Variants in ERC2 observed in about 807,000 individuals in gnomAD.
ERC2 encodes ERC protein 2.
A neutral mutation model predicts 114.8 loss-of-function variants in ERC2; 42 were observed. That is an observed-to-expected ratio of 0.37 (90% CI 0.29 to 0.47). The LOEUF is 0.47. Ranked by LOEUF, ERC2 falls within the 20% of genes least tolerant of loss-of-function variation. The probability of loss-of-function intolerance (pLI) is 0.99; values close to 1 mark genes in which losing one functional copy is unlikely to be tolerated. For synonymous variants in ERC2, 454 were observed against 425.5 expected (o/e 1.07, Z -0.82); for missense variants, 939 against 1,150.7 (o/e 0.82, Z 2.66).
intron 14 of ERC2, among the ~76,000 whole-genome samples, chr3:55,736,650 C>A (rs2065653500): frequency 1.3e-5 from 2 of 152,094 alleles, no homozygotes; most frequent in South Asian, 4.1e-4. Flanking sequence ...AGCGAGTGCT[C>A]AAAAATGTTA....
At chr3:55,761,093 A>G (rs116301341) in intron 14 of ERC2, among the ~76,000 whole-genome samples, 1 of 152,294 alleles carries the variant, frequency 6.6e-6, no homozygotes, top group Non-Finnish European at 1.5e-5. Context: ...ATCAAATAAT[A>G]CAATGCATTG....
chr3:55,584,381 T>A (rs924790251), intron 17 of ERC2, among the ~76,000 whole-genome samples: 1 of 152,176 alleles, frequency 6.6e-6, no homozygotes, highest in African/African-American at 2.4e-5. Flanking sequence ...TTTACATCAA[T>A]GTTCATTCAA....
chr3:56,142,708 A>G (rs983145768), intron 5 of ERC2, among the ~76,000 whole-genome samples: 2 of 152,114 alleles, frequency 1.3e-5, no homozygotes, highest in African/African-American at 4.8e-5. Flanking sequence ...TCTTTTTCTT[A>G]TAATTCCAAC....
chr3:55,947,974 G>T (rs58120479), intron 13 of ERC2, among the ~76,000 whole-genome samples: 43,453 of 152,124 alleles, frequency 0.29, 7,403 homozygotes, highest in Non-Finnish European at 0.35. Context: ...GTAAACTTAT[G>T]AAATAAAGAA....
At chr3:56,288,556 C>T (rs2054874937) in intron 3 of ERC2, among the ~76,000 whole-genome samples, 2 of 152,164 alleles carry the variant, frequency 1.3e-5, no homozygotes, top group Non-Finnish European at 2.9e-5. Context: ...TAGCATGTAG[C>T]ATTCAAACTT....
At chr3:55,528,649 C>T (rs1351448710) in intron 17 of ERC2, among the ~76,000 whole-genome samples, 3 of 152,154 alleles carry the variant, frequency 2.0e-5, no homozygotes. Context: ...CCATTGTGTG[C>T]AGGTATGGTA....
chr3:55,803,566 G>C (rs1282856530), intron 14 of ERC2, among the ~76,000 whole-genome samples: 2 of 148,342 alleles, frequency 1.3e-5, no homozygotes, highest in East Asian at 4.0e-4. Context: ...TTTTTTTCAA[G>C]CAAAGATCAA....
chr3:55,861,709 T>C (rs2062036787), intron 14 of ERC2, among the ~76,000 whole-genome samples: 1 of 152,182 alleles, frequency 6.6e-6, no homozygotes, highest in Non-Finnish European at 1.5e-5. Context: ...GCCTTCTAGT[T>C]AGGAGAGCTT....
chr3:55,670,249 T>C (rs1049108951), intron 17 of ERC2, among the ~76,000 whole-genome samples: 2 of 152,128 alleles, frequency 1.3e-5, no homozygotes, highest in African/African-American at 2.4e-5. Context: ...TGAGATCCTA[T>C]ATGCAGACTG....
chr3:55,772,537 C>T (rs1487577839), intron 14 of ERC2, among the ~76,000 whole-genome samples: 1 of 152,188 alleles, frequency 6.6e-6, no homozygotes, highest in Non-Finnish European at 1.5e-5. Context: ...AGGATGGTCT[C>T]GATCTCCTGA....
Position 56,204,922 on chromosome 3 carries a change from C to CTGTGTGTG in ERC2, c.1075-31410_1075-31403dup, listed in dbSNP as rs58831473. ...TTTTTTTTTTAACCATGGGACGTGT[C>CTGTGTGTG]TGTGTGTGTGTGTGTGTGTGTGTGT... is the stretch of plus-strand genomic sequence containing the variant. On this transcript the variant is annotated intron_variant, in intron 3 of 17. Coordinates refer to ENST00000288221, the MANE Select transcript of ERC2 (RefSeq NM_015576.3). Among the ~76,000 whole-genome samples the CTGTGTGTG allele has an allele frequency of 6.7e-4, 100 of 150,038 alleles. 1 individual carries two copies. The highest frequency in any genetic ancestry group is 3.4e-3 in the Middle Eastern group (1 of 290).
chr3:56,320,001 A>G (rs2057052956), intron 2 of ERC2, among the ~76,000 whole-genome samples: 2 of 152,216 alleles, frequency 1.3e-5, no homozygotes, highest in Admixed American at 1.3e-4. Flanking sequence ...AAACATCTAC[A>G]AGTAAAATTA....
At chr3:55,516,912 T>A (rs2052551113) in intron 17 of ERC2, among the ~76,000 whole-genome samples, 1 of 152,176 alleles carries the variant, frequency 6.6e-6, no homozygotes, top group South Asian at 2.1e-4. Flanking sequence ...TAATAGCCCC[T>A]CATGCAGATG....
intron 17 of ERC2, among the ~76,000 whole-genome samples, chr3:55,522,602 G>C (rs1413291545): frequency 6.7e-6 from 1 of 149,826 alleles, no homozygotes; most frequent in Non-Finnish European, 1.5e-5. Flanking sequence ...TCTGAGGCCA[G>C]TCACATTTGC....
intron 14 of ERC2, among the ~76,000 whole-genome samples, chr3:55,767,109 A>G (rs912838684): frequency 6.6e-6 from 1 of 152,232 alleles, no homozygotes; most frequent in South Asian, 2.1e-4. Flanking sequence ...GTCTTGCTGC[A>G]TTCATGGATT....
chr3:55,767,639 G>C (rs945254397), intron 14 of ERC2, among the ~76,000 whole-genome samples: 16 of 152,140 alleles, frequency 1.1e-4, no homozygotes, highest in Non-Finnish European at 1.8e-4. Flanking sequence ...GCTTAAACTA[G>C]AGATGGCACA....
At chr3:55,807,617 A>C (rs1559687179) in intron 14 of ERC2, among the ~76,000 whole-genome samples, 2 of 149,234 alleles carry the variant, frequency 1.3e-5, no homozygotes, top group Middle Eastern at 3.4e-3. Context: ...ATAAAATTAA[A>C]GGACTGGATT....
At chr3:55,600,729 G>A (rs2058361112) in intron 17 of ERC2, among the ~76,000 whole-genome samples, 1 of 152,218 alleles carries the variant, frequency 6.6e-6, no homozygotes. Context: ...TTGTCCCAGA[G>A]AGCAGGGGAG....
At chr3:55,647,675 T>C (rs2148669047) in intron 17 of ERC2, among the ~76,000 whole-genome samples, 1 of 152,300 alleles carries the variant, frequency 6.6e-6, no homozygotes, top group Middle Eastern at 3.4e-3. Context: ...AGGCTAGAGC[T>C]CCATTTCAAC....
Sources: allele counts gnomAD v4.1 joint callset (sites outside exome capture counted in the v4.1 genomes callset), GRCh38; gene constraint gnomAD v4.1.1; transcripts MANE v1.5; gene names NCBI Gene and HGNC (gene_info 2026-07-23, HGNC 2026-07-21).